Variants in MATN2 observed in about 807,000 individuals in gnomAD.
MATN2 encodes matrilin 2.
In MATN2, 69 loss-of-function variants were observed where a neutral mutation model predicts 103.2. The observed-to-expected ratio is 0.67, with a 90% CI of 0.55 to 0.82. The LOEUF is 0.82. Ranked by LOEUF, MATN2 falls within the 40% of genes least tolerant of loss-of-function variation. MATN2 has a pLI of 0.00. For synonymous variants in MATN2, 429 were observed against 450.2 expected, an observed-to-expected ratio of 0.95 and a Z score of 0.60; for missense variants, 1,023 against 1,211.5, an observed-to-expected ratio of 0.84 and a Z score of 2.31.
chr8:98,031,105 G>A (rs7012838), intron 15 of MATN2, among the ~76,000 whole-genome samples: 23,200 of 152,146 alleles, frequency 0.15, 1,822 homozygotes, highest in Middle Eastern at 0.19. Flanking sequence ...GGGAGGCTGC[G>A]GTGGGAGGAT....
rs1813431536 is a variant in MATN2, at chr8:98,018,073, C to T, written c.1776C>T (p.Cys592=). 1 of 1,613,818 alleles carries T rather than the reference C, an allele frequency of 6.2e-7. No individual in the cohort carries two copies. The highest frequency in any genetic ancestry group is 8.5e-7 in the Non-Finnish European group (1 of 1,179,844). Residue 592 remains cysteine (C), a synonymous_variant, in exon 12 of 19, where the codon TGC becomes TGT. Coordinates refer to ENST00000254898, the MANE Select transcript of MATN2 (RefSeq NM_002380.5). ...GTGATGACTCATACACGTGCGAGTG[C>T]TTGGAGGGATTCCGGCTCGCTGAGG... is the stretch of plus-strand genomic sequence containing the variant. ...VNSDDSYTCE[C]LEGFRLAEDG...
intron 2 of MATN2, among the ~76,000 whole-genome samples, chr8:97,928,100 G>A (rs1810052227): frequency 6.6e-6 from 1 of 152,096 alleles, no homozygotes; most frequent in Non-Finnish European, 1.5e-5. Flanking sequence ...CCTGGGTCTT[G>A]GGAATGCTCC....
chr8:98,028,593 C>CT (rs201005613), intron 14 of MATN2, among the ~76,000 whole-genome samples: 4,347 of 146,726 alleles, frequency 0.03, 187 homozygotes, highest in African/African-American at 0.098. Flanking sequence ...TTGAAAACTG[C>CT]TTTTTTTTTT....
At chr8:97,887,950 G>C (rs1351686255) in intron 1 of MATN2, 125 bp from the exon 2 acceptor site, 1 of 847,968 alleles carries the variant, frequency 1.2e-6, no homozygotes, top group African/African-American at 1.8e-5. Flanking sequence ...ACACACAAAC[G>C]GCATTTTGAG....
chr8:97,920,186 G>A (rs139434553), intron 2 of MATN2, among the ~76,000 whole-genome samples: 87 of 152,274 alleles, frequency 5.7e-4, no homozygotes, highest in African/African-American at 2.0e-3. Context: ...AAGACTCATG[G>A]ATACTGGGAG....
intron 3 of MATN2, among the ~76,000 whole-genome samples, chr8:97,940,468 A>G (rs1194217316): frequency 6.6e-6 from 1 of 152,182 alleles, no homozygotes; most frequent in Non-Finnish European, 1.5e-5. Context: ...AGAACAGTAC[A>G]TTCTAAATTG....
intron 3 of MATN2, among the ~76,000 whole-genome samples, chr8:97,939,609 C>T (rs1240447002): frequency 6.6e-6 from 1 of 152,150 alleles, no homozygotes; most frequent in Non-Finnish European, 1.5e-5. Flanking sequence ...GTGACTGTGC[C>T]ACTGTACTCC....
At chr8:97,912,300 C>G (rs1274313275) in intron 2 of MATN2, among the ~76,000 whole-genome samples, 3 of 152,152 alleles carry the variant, frequency 2.0e-5, no homozygotes, top group African/African-American at 7.2e-5. Flanking sequence ...TGCAGAAGAG[C>G]CTAGAAACCA....
intron 5 of MATN2, among the ~76,000 whole-genome samples, chr8:97,969,730 A>G (rs998828299): frequency 1.3e-5 from 2 of 152,240 alleles, no homozygotes; most frequent in African/African-American, 4.8e-5. Context: ...AAAGCCATCA[A>G]CTTGAGTCAC....
At chr8:97,918,562 G>T (rs919454661) in intron 2 of MATN2, among the ~76,000 whole-genome samples, 1 of 152,212 alleles carries the variant, frequency 6.6e-6, no homozygotes, top group Admixed American at 6.5e-5. Flanking sequence ...TTTGAACTCC[G>T]GTAGGTGCAG....
At chr8:97,878,930 A>C (rs1818165214) in intron 1 of MATN2, among the ~76,000 whole-genome samples, 1 of 152,202 alleles carries the variant, frequency 6.6e-6, no homozygotes, top group South Asian at 2.1e-4. Context: ...TACGTAGAGG[A>C]AGACATGGAC....
intron 2 of MATN2, chr8:97,930,583 C>T: frequency 6.0e-6 from 1 of 166,916 alleles, no homozygotes; most frequent in Non-Finnish European, 1.3e-5. Flanking sequence ...CAACAATAGC[C>T]AGTCTGCCCT....
chr8:97,958,529 G>A (rs1166862798), intron 4 of MATN2, among the ~76,000 whole-genome samples: 1 of 152,194 alleles, frequency 6.6e-6, no homozygotes, highest in Non-Finnish European at 1.5e-5. Context: ...GCTGACAGCC[G>A]ATGGGTGAGG....
chr8:97,970,528 G>A (rs1016035191), intron 5 of MATN2, among the ~76,000 whole-genome samples: 2 of 152,196 alleles, frequency 1.3e-5, no homozygotes, highest in Non-Finnish European at 2.9e-5. Context: ...TCTAGGTCCT[G>A]TTGCTTGTTG....
At chr8:98,033,685 T>C in intron 18 of MATN2, 26 bp downstream of exon 18, 1 of 1,388,254 alleles carries the variant, frequency 7.2e-7, no homozygotes, top group Non-Finnish European at 1.0e-6. Flanking sequence ...ATTATGCTTC[T>C]GTATGGAATG....
In MATN2 at chr8:97,904,028, A is replaced by G. The variant is rs1447591424; in HGVS notation, c.142+15786A>G. Among the ~76,000 whole-genome samples, 29 of 152,228 alleles carry G rather than the reference A, an allele frequency of 1.9e-4. 1 individual carries two copies. The highest frequency in any genetic ancestry group is 1.9e-3 in the Admixed American group (29 of 15,282). On this transcript the variant is annotated intron_variant, in intron 2 of 18. Transcript: ENST00000254898. ...ATAATGTACTTTTTAATACCTTACT[A>G]GAATTATTTTGCTAATCTGTTTTTG... is the stretch of plus-strand genomic sequence containing the variant.
intron 2 of MATN2, among the ~76,000 whole-genome samples, chr8:97,922,964 T>C (rs558873538): frequency 6.6e-6 from 1 of 152,362 alleles, no homozygotes; most frequent in Non-Finnish European, 1.5e-5. Flanking sequence ...ATAGGTATGT[T>C]GAATGACTGG....
At chr8:98,024,167 T>A (rs1178796352) in intron 13 of MATN2, among the ~76,000 whole-genome samples, 1 of 152,156 alleles carries the variant, frequency 6.6e-6, no homozygotes, top group African/African-American at 2.4e-5. Flanking sequence ...AACCTGCACG[T>A]CCTGCAGATG....
intron 1 of MATN2, among the ~76,000 whole-genome samples, chr8:97,869,847 G>A (rs1176147119): frequency 6.6e-6 from 1 of 152,172 alleles, no homozygotes; most frequent in Non-Finnish European, 1.5e-5. Context: ...GAACAATTTG[G>A]AGCCGTTTGG....
Sources: allele counts gnomAD v4.1 joint callset (sites outside exome capture counted in the v4.1 genomes callset), GRCh38; gene constraint gnomAD v4.1.1; transcripts MANE v1.5; gene names NCBI Gene and HGNC (gene_info 2026-07-23, HGNC 2026-07-21).